Variants in GRID2 observed in about 807,000 individuals in gnomAD.
The protein encoded by GRID2 is glutamate ionotropic receptor delta type subunit 2.
A neutral mutation model predicts 114.8 loss-of-function variants in GRID2; 33 were observed. The observed-to-expected ratio is 0.29, with a 90% CI of 0.22 to 0.38. GRID2 has a LOEUF of 0.38. Ranked by LOEUF, GRID2 falls within the 10% of genes least tolerant of loss-of-function variation. GRID2 has a pLI of 1.00. For missense variants in GRID2, 1,184 were observed against 1,257.7 expected (o/e 0.94, Z 0.89); for synonymous variants, 505 against 449.9 (o/e 1.12, Z -1.55).
intron 2 of GRID2, among the ~76,000 whole-genome samples, chr4:92,689,368 G>A (rs566123273): frequency 6.6e-6 from 1 of 152,230 alleles, no homozygotes; most frequent in African/African-American, 2.4e-5. Flanking sequence ...TCTACATTTA[G>A]AATCTGTTAT....
At chr4:92,949,144 G>C (rs1324547861) in intron 2 of GRID2, among the ~76,000 whole-genome samples, 3 of 151,736 alleles carry the variant, frequency 2.0e-5, no homozygotes, top group Admixed American at 1.3e-4. Context: ...GTGTGTGTGT[G>C]TGTGTGTCTG....
intron 1 of GRID2, among the ~76,000 whole-genome samples, chr4:92,409,310 C>G (rs1420857943): frequency 2.0e-5 from 3 of 151,952 alleles, no homozygotes; most frequent in Non-Finnish European, 2.9e-5. Flanking sequence ...ACAGAGTTAC[C>G]ATTTTAGGTC....
chr4:92,965,488 A>AACAC (rs1560752254), intron 2 of GRID2, among the ~76,000 whole-genome samples: 2 of 122,776 alleles, frequency 1.6e-5, no homozygotes, highest in African/African-American at 3.3e-5. Context: ...AAAAAAAAAA[A>AACAC]ACACACAACA....
chr4:93,793,523 A>G (rs1734737277), intron 1 of GRID2, among the ~76,000 whole-genome samples: 1 of 152,130 alleles, frequency 6.6e-6, no homozygotes, highest in Middle Eastern at 3.2e-3. Context: ...ATATTTTCCA[A>G]CTTGGTTCTA....
At position 92,730,072 on chromosome 4, in the gene GRID2, T is replaced by A. The variant is rs149846121; in HGVS notation, c.244+139786T>A. On this transcript the variant is annotated intron_variant, in intron 2 of 15. Transcript: ENST00000282020. ...AGCTCTTGTATTAGTTGCTAAACTC[T>A]CTTTGAGTCCTTTAAGACAAAATAA... Among the ~76,000 whole-genome samples the A allele has an allele frequency of 1.9e-4, 29 of 152,130 alleles. No individual in the cohort carries two copies. The East Asian group carries it at 5.0e-3, about 26-fold the overall frequency.
intron 2 of GRID2, among the ~76,000 whole-genome samples, chr4:92,848,363 T>C (rs867929567): frequency 2.0e-4 from 30 of 152,032 alleles, no homozygotes; most frequent in Middle Eastern, 3.4e-3. Context: ...TTGCTTCCTC[T>C]ACACATCTCT....
chr4:93,638,169 T>C (rs931091931), intron 14 of GRID2, among the ~76,000 whole-genome samples: 1 of 152,148 alleles, frequency 6.6e-6, no homozygotes, highest in Non-Finnish European at 1.5e-5. Flanking sequence ...TTTTTCATAA[T>C]AATCCATTCT....
chr4:93,419,535 A>G (rs1234461197), intron 9 of GRID2, among the ~76,000 whole-genome samples: 1 of 152,062 alleles, frequency 6.6e-6, no homozygotes, highest in Non-Finnish European at 1.5e-5. Context: ...AATGGTCCAA[A>G]TCCGTAATAG....
rs1042514609 is a variant in GRID2, at chr4:93,278,146, C to T, written c.1245+39656C>T. Among the ~76,000 whole-genome samples, 5 of 151,688 alleles carry T rather than the reference C, an allele frequency of 3.3e-5. No homozygotes were observed. The East Asian group carries it at 9.7e-4, about 30-fold the overall frequency. Reference sequence around the variant, plus strand: ...CAGAATGGGAGGCAATGGATGGGAACAGGGAAACATCGATAATGATTTCAA... The same window carrying T: ...CAGAATGGGAGGCAATGGATGGGAATAGGGAAACATCGATAATGATTTCAA... On this transcript the variant is annotated intron_variant, in intron 8 of 15. Coordinates refer to ENST00000282020, the MANE Select transcript of GRID2 (RefSeq NM_001510.4).
At chr4:92,338,139 G>A (rs1180640682) in intron 1 of GRID2, among the ~76,000 whole-genome samples, 2 of 152,086 alleles carry the variant, frequency 1.3e-5, no homozygotes, top group Non-Finnish European at 2.9e-5. Context: ...ACTTCAGAGG[G>A]AAAATATGTT....
intron 2 of GRID2, among the ~76,000 whole-genome samples, chr4:92,963,491 A>T (rs1252314882): frequency 6.6e-6 from 1 of 151,614 alleles, no homozygotes; most frequent in Admixed American, 6.6e-5. Context: ...ATAAGAAGCA[A>T]CTCCTCATTA....
At chr4:92,564,012 T>G (rs557598713) in intron 1 of GRID2, among the ~76,000 whole-genome samples, 1 of 152,118 alleles carries the variant, frequency 6.6e-6, no homozygotes, top group Non-Finnish European at 1.5e-5. Context: ...TACATAACAT[T>G]CTTTCATCTA....
chr4:92,814,638 T>C (rs867571283), intron 2 of GRID2, among the ~76,000 whole-genome samples: 52 of 152,272 alleles, frequency 3.4e-4, no homozygotes, highest in Middle Eastern at 6.8e-3. Context: ...AGGTGCCTCA[T>C]TGGCAACACT....
At chr4:93,289,557 T>G (rs564736866) in intron 8 of GRID2, among the ~76,000 whole-genome samples, 2 of 152,358 alleles carry the variant, frequency 1.3e-5, no homozygotes, top group East Asian at 3.9e-4. Context: ...GTAGGGATTT[T>G]CTATTTTGAT....
chr4:92,390,706 C>T (rs1303512487), intron 1 of GRID2, among the ~76,000 whole-genome samples: 3 of 152,012 alleles, frequency 2.0e-5, no homozygotes, highest in Non-Finnish European at 4.4e-5. Context: ...ATTCCAGGAT[C>T]GATGAGAGGA....
chr4:93,472,254 C>T (rs969563373), intron 11 of GRID2, among the ~76,000 whole-genome samples: 3 of 151,664 alleles, frequency 2.0e-5, no homozygotes, highest in Non-Finnish European at 2.9e-5. Flanking sequence ...ACCCAGAAGG[C>T]GGAGGTTGCA....
intron 2 of GRID2, among the ~76,000 whole-genome samples, chr4:92,760,702 G>A (rs1310764614): frequency 1.3e-5 from 2 of 152,104 alleles, no homozygotes; most frequent in Non-Finnish European, 2.9e-5. Flanking sequence ...TGTTTCCTGG[G>A]AGACCTCAAT....
At chr4:92,842,519 T>G (rs1742984033) in intron 2 of GRID2, among the ~76,000 whole-genome samples, 1 of 152,168 alleles carries the variant, frequency 6.6e-6, no homozygotes, top group Admixed American at 6.6e-5. Context: ...GAAATGTTTC[T>G]AAAATTTGGG....
At chr4:93,535,231 TACACACACACAC>T (rs141785727) in intron 13 of GRID2, among the ~76,000 whole-genome samples, 20 of 142,280 alleles carry the variant, frequency 1.4e-4, no homozygotes, top group Admixed American at 3.5e-4. Flanking sequence ...CACATACACA[TACACACACACAC>T]ACACACACAC....
Sources: allele counts gnomAD v4.1 joint callset (sites outside exome capture counted in the v4.1 genomes callset), GRCh38; gene constraint gnomAD v4.1.1; transcripts MANE v1.5; gene names NCBI Gene and HGNC (gene_info 2026-07-23, HGNC 2026-07-21).